Variants in SPPL3 observed in about 807,000 individuals in gnomAD.
The protein encoded by SPPL3 is signal peptide peptidase-like 3.
In SPPL3, 5 loss-of-function variants were observed where a neutral mutation model predicts 42.4. The ratio of observed to expected loss-of-function variants is 0.12; its 90% CI spans 0.06 to 0.25. The LOEUF is 0.25. Among genes scored for constraint, SPPL3 ranks in the 10% least tolerant of loss-of-function variants. The probability of loss-of-function intolerance (pLI) is 1.00; values close to 1 mark genes in which losing one functional copy is unlikely to be tolerated. For synonymous variants in SPPL3, 195 were observed against 181.8 expected (o/e 1.07, Z -0.58); for missense variants, 235 against 489.0 (o/e 0.48, Z 4.90).
rs186797954 is a variant in SPPL3 at position 120,801,009 on chromosome 12, A to G, written c.102-9452T>C. Among the ~76,000 whole-genome samples, 332 of 152,348 alleles carry G rather than the reference A, an allele frequency of 2.2e-3. 2 individuals carry two copies. Among genetic ancestry groups the G allele is most frequent in the African/African-American group, 7.5e-3 (312 of 41,582 alleles). On this transcript the variant is annotated intron_variant, in intron 2 of 10. Transcript: ENST00000353487. ...AAGGAAACAAAAATATTTCACCCAA[A>G]AATATACTTCTCTGACATATTTCAG...
intron 6 of SPPL3, chr12:120,770,002 C>G (rs1437049285): frequency 1.3e-5 from 2 of 151,176 alleles, no homozygotes; most frequent in African/African-American, 4.9e-5. Context: ...ACATCTTTTG[C>G]AGATGGTTTG....
At chr12:120,833,434 T>C (rs1742023874) in intron 1 of SPPL3, among the ~76,000 whole-genome samples, 1 of 152,076 alleles carries the variant, frequency 6.6e-6, no homozygotes, top group Admixed American at 6.5e-5. Context: ...AGAAACATTT[T>C]AACAAATAGG....
chr12:120,766,969 C>A (rs1336155138), intron 9 of SPPL3, among the ~76,000 whole-genome samples: 1 of 152,236 alleles, frequency 6.6e-6, no homozygotes, highest in Non-Finnish European at 1.5e-5. Context: ...CCATCACAAT[C>A]ATCTCCTGTC....
At chr12:120,893,070 C>G (rs1873694039) in intron 1 of SPPL3, among the ~76,000 whole-genome samples, 1 of 151,684 alleles carries the variant, frequency 6.6e-6, no homozygotes, top group Non-Finnish European at 1.5e-5. Flanking sequence ...ACACTAAGGA[C>G]TCCTCTGAAA....
At chr12:120,805,976 C>A (rs941996191) in intron 2 of SPPL3, among the ~76,000 whole-genome samples, 5 of 145,228 alleles carry the variant, frequency 3.4e-5, no homozygotes, top group Admixed American at 7.0e-5. Flanking sequence ...TATAGATTCA[C>A]AATGCCTATC....
At chr12:120,866,212 C>T (rs1227118726) in intron 1 of SPPL3, among the ~76,000 whole-genome samples, 2 of 152,174 alleles carry the variant, frequency 1.3e-5, no homozygotes, top group Admixed American at 6.6e-5. Flanking sequence ...CCTCCCCCTC[C>T]TCCCCATCCA....
chr12:120,821,339 A>C (rs498230), intron 1 of SPPL3, among the ~76,000 whole-genome samples: 30,372 of 152,258 alleles, frequency 0.2, 3,697 homozygotes, highest in Non-Finnish European at 0.28. Flanking sequence ...TTTGATTGTG[A>C]CTTGCGCACA....
chr12:120,893,608 A>T (rs113143267), intron 1 of SPPL3, among the ~76,000 whole-genome samples: 3,178 of 152,180 alleles, frequency 0.021, 96 homozygotes, highest in African/African-American at 0.073. Context: ...TGATCTTAGC[A>T]GTGCACTCTC....
At chr12:120,879,708 C>T (rs553234843) in intron 1 of SPPL3, among the ~76,000 whole-genome samples, 2 of 152,178 alleles carry the variant, frequency 1.3e-5, no homozygotes, top group Admixed American at 1.3e-4. Flanking sequence ...TCAAATGCTA[C>T]ATGTGCCACT....
At chr12:120,780,656 G>A (rs946840710) in intron 6 of SPPL3, among the ~76,000 whole-genome samples, 6 of 151,544 alleles carry the variant, frequency 4.0e-5, no homozygotes, top group African/African-American at 1.5e-4. Context: ...GGGAGGCTGA[G>A]GCGGGTGGAT....
chr12:120,846,818 G>C (rs1872056130), intron 1 of SPPL3, among the ~76,000 whole-genome samples: 1 of 152,170 alleles, frequency 6.6e-6, no homozygotes, highest in South Asian at 2.1e-4. Context: ...AGAAATTCTT[G>C]GAACAGATTC....
chr12:120,806,346 T>C (rs1870489134), intron 2 of SPPL3, among the ~76,000 whole-genome samples: 1 of 151,960 alleles, frequency 6.6e-6, no homozygotes, highest in Non-Finnish European at 1.5e-5. Flanking sequence ...TACAGGTACA[T>C]GCCACCATGT....
At chr12:120,891,271 G>A (rs761181570) in intron 1 of SPPL3, among the ~76,000 whole-genome samples, 1 of 152,098 alleles carries the variant, frequency 6.6e-6, no homozygotes, top group African/African-American at 2.4e-5. Context: ...CCACTGCAAA[G>A]ATACAAAGGT....
intron 2 of SPPL3, among the ~76,000 whole-genome samples, chr12:120,809,879 C>A (rs1870625488): frequency 6.6e-6 from 1 of 152,116 alleles, no homozygotes; most frequent in Non-Finnish European, 1.5e-5. Flanking sequence ...TATGGCTCAA[C>A]CTTGGATGTC....
intron 2 of SPPL3, among the ~76,000 whole-genome samples, chr12:120,808,634 C>T (rs1418703738): frequency 1.3e-5 from 2 of 152,148 alleles, no homozygotes; most frequent in Non-Finnish European, 2.9e-5. Context: ...ATCACTGTAA[C>T]AGTCCACTTG....
rs1191889324 is a variant in SPPL3, at chr12:120,783,742, C to T, written c.321G>A (p.Thr107=). The T allele has an allele frequency of 6.8e-6, 11 of 1,613,342 alleles. No individual in the cohort carries two copies. The highest frequency in any genetic ancestry group is 4.4e-5 in the South Asian group (4 of 90,952). Residue 107 remains threonine, a synonymous_variant, in exon 5 of 11, where the codon ACG becomes ACA. Coordinates refer to ENST00000353487, the MANE Select transcript of SPPL3 (RefSeq NM_139015.5). ...VFTICTAVLA[T]IAFAFLLLPM... ...GGAGGAGAAGAAAAGCAAAAGCTATCGTTGCAAGAACTAGAGAAAGAAAAG... is the reference window on the plus strand; with the variant it reads ...GGAGGAGAAGAAAAGCAAAAGCTATTGTTGCAAGAACTAGAGAAAGAAAAG...
At chr12:120,831,570 A>AGCAGAAGACAAG in intron 1 of SPPL3, among the ~76,000 whole-genome samples, 1 of 152,200 alleles carries the variant, frequency 6.6e-6, no homozygotes, top group Non-Finnish European at 1.5e-5. Context: ...TACCTTGGGA[A>AGCAGAAGACAAG]TTCATGTCTC....
intron 1 of SPPL3, among the ~76,000 whole-genome samples, chr12:120,885,657 A>G (rs1873430977): frequency 6.6e-6 from 1 of 152,058 alleles, no homozygotes; most frequent in Non-Finnish European, 1.5e-5. Context: ...AGCTATCCCT[A>G]TCTTCAACCA....
chr12:120,862,283 T>C (rs534122076), intron 1 of SPPL3, among the ~76,000 whole-genome samples: 3 of 152,366 alleles, frequency 2.0e-5, no homozygotes, highest in African/African-American at 7.2e-5. Flanking sequence ...TGTGGGTTTT[T>C]TCCATGTCAA....
Sources: gnomAD v4.1 joint callset for allele counts (sites outside exome capture counted in the v4.1 genomes callset) on GRCh38, gnomAD v4.1.1 for gene constraint, MANE v1.5 for transcripts, NCBI Gene and HGNC (gene_info 2026-07-23, HGNC 2026-07-21) for gene names.